FRYL: variants seen among roughly 807,000 people sequenced by gnomAD.
The protein encoded by FRYL is protein furry homolog-like.
FRYL carries 150 observed loss-of-function variants against 351.2 expected under a neutral mutation model. That is an observed-to-expected ratio of 0.43 (90% CI 0.37 to 0.49). The LOEUF is 0.49. FRYL is among the 20% of genes least tolerant of loss of function. The probability of loss-of-function intolerance (pLI) is 0.00; values close to 1 mark genes in which losing one functional copy is unlikely to be tolerated. For synonymous variants in FRYL, 1,153 were observed against 1,257.1 expected (o/e 0.92, Z 1.75); for missense variants, 3,036 against 3,619.3 (o/e 0.84, Z 4.13).
chr4:48,553,134 G>A, intron 36 of FRYL, 81 bp downstream of exon 36: 2 of 1,019,662 alleles, frequency 2.0e-6, no homozygotes, highest in East Asian at 2.4e-5. Flanking sequence ...GGGACATAGA[G>A]ACCCTAAAAT....
intron 1 of FRYL, among the ~76,000 whole-genome samples, chr4:48,711,257 G>A (rs1471779134): frequency 6.6e-6 from 1 of 152,264 alleles, no homozygotes; most frequent in Non-Finnish European, 1.5e-5. Context: ...GAAGCAGGAT[G>A]AGGCATTGCC....
At position 48,632,108 on chromosome 4, in the gene FRYL, A is replaced by ATGTG. The variant is rs1296244528; in HGVS notation, c.120+2182_120+2183insCACA. 2.3e-4 allele frequency among the ~76,000 whole-genome samples: 15 copies of ATGTG among 64,392 alleles called. 1 individual carries two copies. The highest frequency in any genetic ancestry group is 6.7e-4 in the African/African-American group (15 of 22,436). The allele number at this position is 64,392 out of a possible 152,430, so 42.2% of individuals were successfully genotyped here. On this transcript the variant is annotated intron_variant, in intron 4 of 63. Transcript: ENST00000358350. Reference sequence around the variant, plus strand: ...AAAAAAAAAATATATATATATATATATATATATATATATATATATATGCGC... The same window carrying ATGTG: ...AAAAAAAAAATATATATATATATATATGTGTATATATATATATATATATATGCGC...
At chr4:48,757,895 C>T (rs1367034990) in intron 1 of FRYL, among the ~76,000 whole-genome samples, 1 of 152,088 alleles carries the variant, frequency 6.6e-6, no homozygotes, top group South Asian at 2.1e-4. Context: ...GAGATATAGA[C>T]CAATGGAACA....
At position 48,535,765 on chromosome 4, in the gene FRYL, A is replaced by T; in HGVS notation, c.6456T>A (p.Ser2152Arg). ...VNLAHMMSLY[S>R]THTYSRDCSN... ...AACAGTCTCTGGAATACGTGTGTGT[A>T]CTGTACAAACTCATCATGTGTGCCA... The change falls in exon 48 of 64, where the codon AGT becomes AGA. Residue 2152 changes from serine to arginine, a missense_variant. This residue lies in a region of FRYL where 1,987 missense variants were observed against 2,311.7 expected (regional missense o/e 0.86). Coordinates refer to ENST00000358350, the MANE Select transcript of FRYL (RefSeq NM_015030.2). The T allele has an allele frequency of 6.3e-7, 1 of 1,597,888 alleles. No homozygotes were observed.
intron 13 of FRYL, among the ~76,000 whole-genome samples, chr4:48,596,283 TACAA>T (rs769483574): frequency 1.1e-4 from 17 of 152,130 alleles, no homozygotes; most frequent in Non-Finnish European, 1.6e-4. Flanking sequence ...TCTAAAATTA[TACAA>T]ACAAACTTAC....
At chr4:48,644,341 T>A (rs1160552907) in intron 3 of FRYL, among the ~76,000 whole-genome samples, 1 of 151,984 alleles carries the variant, frequency 6.6e-6, no homozygotes, top group African/African-American at 2.4e-5. Context: ...GCCAAAAAAA[T>A]TACTTTAAAA....
intron 22 of FRYL, 24 bp downstream of exon 22, chr4:48,580,841 G>A (rs1285908414): frequency 7.5e-6 from 11 of 1,472,692 alleles, no homozygotes; most frequent in Non-Finnish European, 1.0e-5. Context: ...ACAAGATTGG[G>A]TAGAATGAAG....
intron 1 of FRYL, among the ~76,000 whole-genome samples, chr4:48,728,301 A>G (rs930128582): frequency 1.3e-5 from 2 of 152,168 alleles, no homozygotes; most frequent in African/African-American, 2.4e-5. Context: ...AGATATCTCA[A>G]TAATAACCTC....
chr4:48,502,270 G>A (rs1719860622), intron 61 of FRYL, among the ~76,000 whole-genome samples: 1 of 152,172 alleles, frequency 6.6e-6, no homozygotes, highest in Non-Finnish European at 1.5e-5. Flanking sequence ...GCCGAGCACG[G>A]TGGCTCACAC....
chr4:48,756,767 G>A (rs1351777837), intron 1 of FRYL, among the ~76,000 whole-genome samples: 7 of 152,284 alleles, frequency 4.6e-5, no homozygotes, highest in South Asian at 2.1e-4. Context: ...AGGCAACACA[G>A]TAAGACCCTG....
chr4:48,780,138 G>A lies in FRYL; in HGVS notation c.-444C>T, dbSNP rs1308351822. On this transcript the variant is annotated 5_prime_UTR_variant, in exon 1 of 64. Coordinates refer to ENST00000358350, the MANE Select transcript of FRYL (RefSeq NM_015030.2). Reference sequence around the variant, plus strand: ...CAGCGCCGCCGGTCCCCGCCCTCGGGCCCCTGGCTCCGTTCTCTTGACAAT... The same window carrying A: ...CAGCGCCGCCGGTCCCCGCCCTCGGACCCCTGGCTCCGTTCTCTTGACAAT... 3 of 155,222 alleles carry A rather than the reference G, an allele frequency of 1.9e-5. No homozygotes were observed. Among genetic ancestry groups the A allele is most frequent in the East Asian group, 3.8e-4 (2 of 5,262 alleles). The allele number at this position is 155,222 out of a possible 1,614,324, so 9.6% of individuals were successfully genotyped here.
At chr4:48,644,283 G>C (rs1474433372) in intron 3 of FRYL, among the ~76,000 whole-genome samples, 2 of 151,818 alleles carry the variant, frequency 1.3e-5, no homozygotes, top group Non-Finnish European at 2.9e-5. Context: ...AGGTTTATTG[G>C]ATAGATCTAT....
At chr4:48,697,951 T>C (rs573236949) in intron 2 of FRYL, among the ~76,000 whole-genome samples, 40 of 152,300 alleles carry the variant, frequency 2.6e-4, no homozygotes, top group African/African-American at 6.7e-4. Context: ...ATTGAACCAA[T>C]TGATGTTGAG....
intron 2 of FRYL, among the ~76,000 whole-genome samples, chr4:48,697,025 T>C (rs1416258126): frequency 6.6e-6 from 1 of 152,092 alleles, no homozygotes; most frequent in East Asian, 1.9e-4. Context: ...TTTTTTCCTA[T>C]ATGCATCAAA....
chr4:48,773,712 G>C (rs1479020008), intron 1 of FRYL, among the ~76,000 whole-genome samples: 4 of 152,170 alleles, frequency 2.6e-5, no homozygotes, highest in Admixed American at 6.5e-5. Flanking sequence ...GATAGCTTCA[G>C]CCTAGGAGTT....
chr4:48,622,500 G>C (rs1750865465), intron 5 of FRYL, among the ~76,000 whole-genome samples: 1 of 152,104 alleles, frequency 6.6e-6, no homozygotes, highest in African/African-American at 2.4e-5. Flanking sequence ...ATTTTGGTAA[G>C]TCTCCACTAA....
chr4:48,525,688 T>C (rs1302741858), intron 53 of FRYL, among the ~76,000 whole-genome samples: 1 of 151,812 alleles, frequency 6.6e-6, no homozygotes, highest in Non-Finnish European at 1.5e-5. Flanking sequence ...TGTATATGTA[T>C]ACGAGAGCTG....
chr4:48,728,556 G>GA lies in FRYL; in HGVS notation c.-383-17859dup, dbSNP rs1423102971. ...GAGAACACCAAGCAGGAGAGATGCT[G>GA]AAAAAACAAAAAAAGCAAACAAAAA... is the stretch of plus-strand genomic sequence containing the variant. On this transcript the variant is annotated intron_variant, in intron 1 of 63. Transcript: ENST00000358350. 7.2e-5 allele frequency among the ~76,000 whole-genome samples: 11 copies of GA among 151,864 alleles called. No individual in the cohort carries two copies. The South Asian group carries it at 1.7e-3, about 23-fold the overall frequency.
chr4:48,596,455 G>C (rs1304343323), intron 13 of FRYL, among the ~76,000 whole-genome samples: 2 of 152,086 alleles, frequency 1.3e-5, no homozygotes, highest in African/African-American at 4.8e-5. Context: ...AAAATATTAT[G>C]AAGTGTATAT....
Sources: allele counts gnomAD v4.1 joint callset (sites outside exome capture counted in the v4.1 genomes callset), GRCh38; gene constraint gnomAD v4.1.1; regional missense constraint gnomAD v4.1.1; transcripts MANE v1.5; gene names NCBI Gene and HGNC (gene_info 2026-07-23, HGNC 2026-07-21).